The following DNAH14 variants were observed in gnomAD, a reference collection of about 807,000 sequenced individuals.
DNAH14 encodes axonemal beta dynein heavy chain 14.
A neutral mutation model predicts 520.9 loss-of-function variants in DNAH14; 478 were observed. That is an observed-to-expected ratio of 0.92 (90% CI 0.85 to 0.99). DNAH14 has a LOEUF of 0.99. Ranked by LOEUF, DNAH14 falls within the 50% of genes least tolerant of loss-of-function variation. The pLI is 0.00. For missense variants in DNAH14, 4,831 were observed against 5,234.5 expected (o/e 0.92, Z 2.38); for synonymous variants, 1,581 against 1,757.2 (o/e 0.90, Z 2.51).
intron 60 of DNAH14, among the ~76,000 whole-genome samples, chr1:225,313,317 T>A (rs2094406866): frequency 6.6e-6 from 1 of 152,204 alleles, no homozygotes; most frequent in Middle Eastern, 3.2e-3. Context: ...TTATTGTGTC[T>A]CTTTGATTCT....
At chr1:225,085,190 G>A (rs1024464298) in intron 20 of DNAH14, among the ~76,000 whole-genome samples, 7 of 152,064 alleles carry the variant, frequency 4.6e-5, no homozygotes, top group African/African-American at 1.2e-4. Context: ...AAGTAAAAGC[G>A]TGTCACAAAG....
intron 9 of DNAH14, among the ~76,000 whole-genome samples, chr1:225,004,841 G>A (rs1277264222): frequency 2.0e-5 from 3 of 152,124 alleles, no homozygotes; most frequent in Non-Finnish European, 4.4e-5. Flanking sequence ...AATGAAGCAA[G>A]GTTATGAATG....
At chr1:225,006,590 C>T (rs1196354194) in intron 9 of DNAH14, among the ~76,000 whole-genome samples, 1 of 152,182 alleles carries the variant, frequency 6.6e-6, no homozygotes, top group Non-Finnish European at 1.5e-5. Flanking sequence ...GCAGCGCCCT[C>T]AGGCTTGCTA....
Position 225,002,787 on chromosome 1 carries a change from T to C in DNAH14, c.835T>C (p.Phe279Leu). The C allele has an allele frequency of 6.5e-7, 1 of 1,548,608 alleles. No individual in the cohort carries two copies. Among genetic ancestry groups the C allele is most frequent in the Non-Finnish European group, 8.7e-7 (1 of 1,145,510 alleles). ...TAGAAATTTTTTAACTTTCAGGTCA[T>C]TTTTGTACCACCATCTTTTTTTGGC... ...KRIKTEKSRSFLYHHLFLADD... is the reference protein window; with the variant it reads ...KRIKTEKSRSLLYHHLFLADD... Residue 279 changes from phenylalanine (F) to leucine (L), a missense_variant, in exon 9 of 86, where the codon TTT becomes CTT. By Grantham distance (22) the Phe-to-Leu change is conservative. Coordinates refer to ENST00000682510, the MANE Select transcript of DNAH14 (RefSeq NM_001367479.1).
In DNAH14 at chr1:225,241,641, C is replaced by T. The variant is rs566601328; in HGVS notation, c.6748+819C>T. Among the ~76,000 whole-genome samples, 20 of 152,188 alleles carry T rather than the reference C, an allele frequency of 1.3e-4. 1 individual carries two copies. The South Asian group carries it at 4.1e-3, about 32-fold the overall frequency. On this transcript the variant is annotated intron_variant, in intron 43 of 85. Transcript: ENST00000682510. ...GGCATAACCTATTGCTCTAAGGCTA[C>T]AAATATGTACAGCATGTTACTCTAC...
chr1:225,173,521 A>T (rs1336735750), intron 36 of DNAH14, among the ~76,000 whole-genome samples: 1 of 152,236 alleles, frequency 6.6e-6, no homozygotes, highest in South Asian at 2.1e-4. Flanking sequence ...GCTCATCATC[A>T]CTGGCCATCA....
intron 49 of DNAH14, among the ~76,000 whole-genome samples, chr1:225,268,893 G>A (rs554759062): frequency 3.6e-4 from 55 of 152,252 alleles, no homozygotes; most frequent in African/African-American, 1.3e-3. Flanking sequence ...TGTGAAAATG[G>A]TCATACTGCC....
intron 21 of DNAH14, among the ~76,000 whole-genome samples, chr1:225,086,725 G>A (rs964757510): frequency 3.5e-4 from 53 of 151,784 alleles, no homozygotes; most frequent in African/African-American, 1.3e-3. Flanking sequence ...CAAAAAAAAT[G>A]AACAGCAGAA....
At chr1:225,218,008 A>C (rs2089607116) in intron 41 of DNAH14, among the ~76,000 whole-genome samples, 1 of 151,936 alleles carries the variant, frequency 6.6e-6, no homozygotes, top group Non-Finnish European at 1.5e-5. Flanking sequence ...CTATTTGTCC[A>C]TCTTGGAACC....
At chr1:225,335,982 T>TACAC (rs2095031458) in intron 66 of DNAH14, among the ~76,000 whole-genome samples, 1 of 145,416 alleles carries the variant, frequency 6.9e-6, no homozygotes, top group Non-Finnish European at 1.5e-5. Flanking sequence ...TACATATGTG[T>TACAC]ATATACACAC....
chr1:225,174,318 A>G (rs2083071569), intron 36 of DNAH14, among the ~76,000 whole-genome samples: 1 of 152,202 alleles, frequency 6.6e-6, no homozygotes, highest in Non-Finnish European at 1.5e-5. Flanking sequence ...CCATGAACAC[A>G]GGATATCTTT....
chr1:225,061,429 A>T (rs1223184472), intron 17 of DNAH14, among the ~76,000 whole-genome samples: 1 of 152,166 alleles, frequency 6.6e-6, no homozygotes, highest in African/African-American at 2.4e-5. Flanking sequence ...TTCTTTGACT[A>T]GGAAAAGGAA....
chr1:225,164,561 G>A (rs951207602), intron 35 of DNAH14, among the ~76,000 whole-genome samples: 5 of 151,952 alleles, frequency 3.3e-5, no homozygotes, highest in Admixed American at 6.6e-5. Context: ...TTTTGCCTCA[G>A]TATTTTCTCT....
chr1:225,231,285 T>G, intron 42 of DNAH14, 134 bp downstream of exon 42: 1 of 608,860 alleles, frequency 1.6e-6, no homozygotes, highest in Non-Finnish European at 2.7e-6. Context: ...AAATTTATTT[T>G]ATTCCAACTT....
At chr1:225,248,770 T>C (rs146540842) in intron 43 of DNAH14, among the ~76,000 whole-genome samples, 1 of 152,266 alleles carries the variant, frequency 6.6e-6, no homozygotes, top group African/African-American at 2.4e-5. Context: ...CCTAAAGTCA[T>C]TTATTAGAGT....
intron 8 of DNAH14, among the ~76,000 whole-genome samples, chr1:224,985,488 G>T (rs1399607798): frequency 6.6e-6 from 1 of 151,926 alleles, no homozygotes; most frequent in Admixed American, 6.6e-5. Context: ...GGGGGTGAGG[G>T]GTAAAAGACA....
chr1:225,397,502 G>C (rs928472580), intron 84 of DNAH14: 2 of 152,462 alleles, frequency 1.3e-5, no homozygotes, highest in African/African-American at 2.4e-5. Context: ...TGCCCCATCA[G>C]AGGAGATGGC....
chr1:225,025,722 A>G (rs1388850152), intron 11 of DNAH14, among the ~76,000 whole-genome samples: 1 of 152,118 alleles, frequency 6.6e-6, no homozygotes, highest in Non-Finnish European at 1.5e-5. Flanking sequence ...ATAAATAAAT[A>G]AATTCTTTAG....
At chr1:225,174,078 A>G (rs2083035328) in intron 36 of DNAH14, among the ~76,000 whole-genome samples, 1 of 152,082 alleles carries the variant, frequency 6.6e-6, no homozygotes, top group South Asian at 2.1e-4. Context: ...ACATGGACAC[A>G]GGAAGGGGAA....
Sources: gnomAD v4.1 joint callset for allele counts (sites outside exome capture counted in the v4.1 genomes callset) on GRCh38, gnomAD v4.1.1 for gene constraint, MANE v1.5 for transcripts, NCBI Gene and HGNC (gene_info 2026-07-23, HGNC 2026-07-21) for gene names.